The following FKBP9 variants were observed in gnomAD, a reference collection of about 807,000 sequenced individuals.
The protein encoded by FKBP9 is peptidyl-prolyl cis-trans isomerase FKBP9.
A neutral mutation model predicts 55.6 loss-of-function variants in FKBP9; 27 were observed. The ratio of observed to expected loss-of-function variants is 0.49; its 90% CI spans 0.36 to 0.67. The LOEUF is 0.67. FKBP9 is among the 30% of genes least tolerant of loss of function. The pLI is 0.00. For synonymous variants in FKBP9, 267 were observed against 296.5 expected, an observed-to-expected ratio of 0.90 and a Z score of 1.02; for missense variants, 539 against 742.8, an observed-to-expected ratio of 0.73 and a Z score of 3.19.
chr7:32,980,565 A>G lies in FKBP9; in HGVS notation c.893+12A>G. The G allele has an allele frequency of 6.2e-7, 1 of 1,612,148 alleles. No homozygotes were observed. Among genetic ancestry groups the G allele is most frequent in the South Asian group, 1.1e-5 (1 of 90,918 alleles). ...CTCTTTGATTCCAGGTAAGGAAATG[A>G]TTAAAGTCTTCAATTGCCAGAACAT... On this transcript the variant is annotated intron_variant, in intron 5 of 9. Coordinates refer to ENST00000242209, the MANE Select transcript of FKBP9 (RefSeq NM_007270.5).
At chr7:32,986,779 C>T (rs1285708250) in intron 5 of FKBP9, among the ~76,000 whole-genome samples, 2 of 152,186 alleles carry the variant, frequency 1.3e-5, no homozygotes, top group African/African-American at 2.4e-5. Context: ...CCTTCTTCTC[C>T]GGGGCATCAT....
At chr7:32,985,796 C>A (rs1784563299) in intron 5 of FKBP9, among the ~76,000 whole-genome samples, 1 of 151,922 alleles carries the variant, frequency 6.6e-6, no homozygotes, top group Non-Finnish European at 1.5e-5. Context: ...AGTTCAAGAC[C>A]AGCCTGGCCA....
intron 5 of FKBP9, among the ~76,000 whole-genome samples, chr7:32,984,146 G>A (rs1436721355): frequency 1.3e-5 from 2 of 151,094 alleles, no homozygotes; most frequent in South Asian, 2.1e-4. Flanking sequence ...GTATATAAAT[G>A]TTTGCCTGTA....
intron 1 of FKBP9, among the ~76,000 whole-genome samples, chr7:32,973,692 T>TTG (rs567665461): frequency 0.25 from 28,423 of 111,832 alleles, 4,912 homozygotes; most frequent in South Asian, 0.39. Flanking sequence ...GTTTTTTTTT[T>TTG]TTTTTTTTTT....
chr7:32,998,234 A>C (rs1345041052), intron 7 of FKBP9, among the ~76,000 whole-genome samples: 1 of 152,094 alleles, frequency 6.6e-6, no homozygotes, highest in African/African-American at 2.4e-5. Context: ...CCTAAGAGTG[A>C]AAATGGTCCA....
intron 6 of FKBP9, among the ~76,000 whole-genome samples, chr7:32,993,501 T>C (rs1187540660): frequency 6.6e-6 from 1 of 152,214 alleles, no homozygotes; most frequent in Non-Finnish European, 1.5e-5. Flanking sequence ...TAGCATAATG[T>C]TTTCAAGGTC....
rs559743701 is a variant in FKBP9, at chr7:33,006,630, A to T, written c.*1279A>T. Reference sequence around the variant, plus strand: ...TCTGCTGCCCATTTGTGTCCTGGAGACGGTGGTACCCTGAAGGCAGAGGCC... The same window carrying T: ...TCTGCTGCCCATTTGTGTCCTGGAGTCGGTGGTACCCTGAAGGCAGAGGCC... On this transcript the variant is annotated 3_prime_UTR_variant, in exon 10 of 10. Coordinates refer to ENST00000242209, the MANE Select transcript of FKBP9 (RefSeq NM_007270.5). 4.7e-6 allele frequency: 1 copy of T among 213,690 alleles called. No homozygotes were observed. The highest frequency in any genetic ancestry group is 6.9e-5 in the East Asian group (1 of 14,594). 13.2% of individuals were successfully genotyped at this position (213,690 alleles called of 1,614,324 possible).
At chr7:32,964,075 T>C (rs4723226) in intron 1 of FKBP9, among the ~76,000 whole-genome samples, 13 of 151,836 alleles carry the variant, frequency 8.6e-5, no homozygotes, top group Non-Finnish European at 1.9e-4. Flanking sequence ...AACTTAGGAG[T>C]TGTTTAGAGT....
intron 9 of FKBP9, among the ~76,000 whole-genome samples, chr7:33,004,346 T>C (rs1784992141): frequency 6.6e-6 from 1 of 152,140 alleles, no homozygotes; most frequent in African/African-American, 2.4e-5. Flanking sequence ...GTGAAGACCC[T>C]GCACTTTCTG....
At chr7:32,998,614 C>G (rs2953599) in intron 7 of FKBP9, 3 of 152,396 alleles carry the variant, frequency 2.0e-5, no homozygotes, top group Non-Finnish European at 4.4e-5. Context: ...CTTCAGAATA[C>G]TGGGCTAATG....
At chr7:32,988,481 T>C (rs1784617409) in intron 5 of FKBP9, 26 bp from the exon 6 acceptor site, 1 of 1,613,134 alleles carries the variant, frequency 6.2e-7, no homozygotes, top group African/African-American at 1.3e-5. Context: ...ATGAATGACC[T>C]CTTTCTTTCC....
chr7:32,975,899 G>A (rs2127980805), intron 3 of FKBP9, among the ~76,000 whole-genome samples: 1 of 152,214 alleles, frequency 6.6e-6, no homozygotes, highest in Non-Finnish European at 1.5e-5. Context: ...GCCTGCCTTG[G>A]CCTCCCAAAG....
chr7:32,957,959 G>T (rs1467929342), intron 1 of FKBP9, among the ~76,000 whole-genome samples, 165 bp downstream of exon 1: 6 of 152,252 alleles, frequency 3.9e-5, no homozygotes, highest in African/African-American at 1.4e-4. Context: ...TCCGCCGCGG[G>T]TGAGCCTCCC....
At chr7:32,962,680 G>T (rs1277991194) in intron 1 of FKBP9, among the ~76,000 whole-genome samples, 18 of 151,836 alleles carry the variant, frequency 1.2e-4, no homozygotes, top group Admixed American at 1.2e-3. Context: ...CGCCACCTTG[G>T]CCAGGCTGGA....
chr7:32,960,721 A>G (rs1416867161), intron 1 of FKBP9, among the ~76,000 whole-genome samples: 1 of 152,162 alleles, frequency 6.6e-6, no homozygotes, highest in African/African-American at 2.4e-5. Flanking sequence ...TTCAGCGTCT[A>G]TCCCTCAAGA....
chr7:32,967,841 G>GCCTC (rs1399791626), intron 1 of FKBP9, among the ~76,000 whole-genome samples: 1 of 150,986 alleles, frequency 6.6e-6, no homozygotes, highest in African/African-American at 2.4e-5. Context: ...CGCAACCTCC[G>GCCTC]CCTCCCAGGT....
chr7:32,994,441 T>C (rs549365389), intron 6 of FKBP9, among the ~76,000 whole-genome samples: 1 of 152,330 alleles, frequency 6.6e-6, no homozygotes, highest in Admixed American at 6.5e-5. Context: ...TGAGGAACCA[T>C]AGATCTGCCT....
chr7:32,959,463 A>G (rs1015371249), intron 1 of FKBP9, among the ~76,000 whole-genome samples: 18 of 152,244 alleles, frequency 1.2e-4, no homozygotes, highest in African/African-American at 4.3e-4. Context: ...ATTGAGATAT[A>G]ATGCCATACA....
chr7:32,975,347 T>G lies in FKBP9; in HGVS notation c.533T>G (p.Leu178Arg). ...AGGTACCACTACAACGGGACGTTCC[T>G]GGACGGAACTCTGTTTGATTCGAGG... ...FVRYHYNGTF[L>R]DGTLFDSSHN... The change falls in exon 3 of 10, where the codon CTG becomes CGG. Residue 178 changes from leucine to arginine, a missense_variant. By Grantham distance (102) the Leu-to-Arg change is moderately radical. Transcript: ENST00000242209. 1.9e-6 allele frequency: 3 copies of G among 1,614,012 alleles called. No homozygotes were observed. The highest frequency in any genetic ancestry group is 2.5e-6 in the Non-Finnish European group (3 of 1,179,850).
Sources: allele counts gnomAD v4.1 joint callset (sites outside exome capture counted in the v4.1 genomes callset), GRCh38; gene constraint gnomAD v4.1.1; transcripts MANE v1.5; gene names NCBI Gene and HGNC (gene_info 2026-07-23, HGNC 2026-07-21).